The following ANKRD44 variants were observed in gnomAD, a reference collection of about 807,000 sequenced individuals.
ANKRD44 encodes the protein serine/threonine-protein phosphatase 6 regulatory ankyrin repeat subunit B.
In ANKRD44, 35 loss-of-function variants were observed where a neutral mutation model predicts 116.0. The ratio of observed to expected loss-of-function variants is 0.30; its 90% CI spans 0.23 to 0.40. The LOEUF (loss-of-function observed/expected upper bound fraction) is 0.40. Ranked by LOEUF, ANKRD44 falls within the 10% of genes least tolerant of loss-of-function variation. The pLI is 1.00. For synonymous variants in ANKRD44, 435 were observed against 461.8 expected (o/e 0.94, Z 0.74); for missense variants, 1,014 against 1,242.6 (o/e 0.82, Z 2.77).
chr2:197,216,901 CTCCAA>C (rs2081459269), intron 1 of ANKRD44, among the ~76,000 whole-genome samples: 1 of 149,384 alleles, frequency 6.7e-6, no homozygotes, highest in African/African-American at 2.5e-5. Flanking sequence ...CACACACACA[CTCCAA>C]AAACAAAAAC....
chr2:197,072,577 G>A (rs1422801657), intron 16 of ANKRD44, among the ~76,000 whole-genome samples: 6 of 152,166 alleles, frequency 3.9e-5, no homozygotes, highest in African/African-American at 1.4e-4. Flanking sequence ...TAGCATTGAT[G>A]TTTTATCACT....
intron 8 of ANKRD44, among the ~76,000 whole-genome samples, chr2:197,118,667 GAAA>G (rs1171460923): frequency 1.3e-5 from 2 of 150,928 alleles, no homozygotes; most frequent in Non-Finnish European, 3.0e-5. Flanking sequence ...AAGAAAGAAA[GAAA>G]GAAAGAAAAA....
intron 16 of ANKRD44, chr2:197,029,593 T>C (rs2076665138): frequency 4.5e-6 from 2 of 440,688 alleles, no homozygotes; most frequent in Admixed American, 5.2e-5. Context: ...TGTTCAGTTT[T>C]CTTACATTAA....
chr2:197,156,538 T>G (rs756801298), intron 2 of ANKRD44, among the ~76,000 whole-genome samples: 3 of 152,210 alleles, frequency 2.0e-5, no homozygotes, highest in Non-Finnish European at 2.9e-5. Flanking sequence ...TGAAAAACAG[T>G]TTGGCAATTT....
intron 16 of ANKRD44, among the ~76,000 whole-genome samples, chr2:197,060,712 C>T (rs973576047): frequency 1.3e-5 from 2 of 152,162 alleles, no homozygotes; most frequent in African/African-American, 4.8e-5. Flanking sequence ...CTCCTGGCAA[C>T]CCCCATTCTA....
chr2:197,016,140 T>C (rs2076388598), intron 17 of ANKRD44: 1 of 322,572 alleles, frequency 3.1e-6, no homozygotes, highest in Non-Finnish European at 6.2e-6. Context: ...GCCACAGGAA[T>C]GATCATCCAT....
At chr2:197,118,478 T>C (rs1177295007) in intron 8 of ANKRD44, among the ~76,000 whole-genome samples, 6 of 151,768 alleles carry the variant, frequency 4.0e-5, no homozygotes, top group African/African-American at 7.3e-5. Flanking sequence ...TAATCCCAGC[T>C]TCTCGGGAGG....
At chr2:197,000,647 G>C (rs2125898044) in intron 22 of ANKRD44, 145 bp from the exon 23 acceptor site, 1 of 673,198 alleles carries the variant, frequency 1.5e-6, no homozygotes, top group East Asian at 2.7e-5. Flanking sequence ...TGTTTCAATG[G>C]CATACATTTT....
intron 1 of ANKRD44, among the ~76,000 whole-genome samples, chr2:197,307,467 CTG>C (rs1419847183): frequency 6.7e-6 from 1 of 149,206 alleles, no homozygotes; most frequent in Non-Finnish European, 1.5e-5. Flanking sequence ...AGAAGGGACA[CTG>C]TTACAAAAGT....
rs1450099839 is a variant in ANKRD44, at chr2:196,975,461, G to C, written c.2369-8015C>G. Among the ~76,000 whole-genome samples the C allele has an allele frequency of 2.0e-5, 3 of 152,242 alleles. No individual in the cohort carries two copies. In the East Asian group the frequency reaches 5.8e-4, roughly 29 times the overall value. On this transcript the variant is annotated intron_variant, in intron 21 of 21. Transcript: ENST00000424317. ...TTTCTGAACTTATTCTTTGAGGCCA[G>C]CGTTACCATCACACCAAAACAAGAA...
At chr2:197,270,124 G>A (rs1274344153) in intron 1 of ANKRD44, among the ~76,000 whole-genome samples, 2 of 152,144 alleles carry the variant, frequency 1.3e-5, no homozygotes, top group Non-Finnish European at 2.9e-5. Context: ...TCAAGGATGG[G>A]GGGATGCTAT....
intron 16 of ANKRD44, among the ~76,000 whole-genome samples, chr2:197,042,931 G>A (rs191353199): frequency 3.9e-5 from 6 of 152,326 alleles, no homozygotes; most frequent in African/African-American, 7.2e-5. Flanking sequence ...AAATGCAGCC[G>A]TTTCACTCCC....
At chr2:197,080,612 C>A (rs2077771149) in intron 15 of ANKRD44, among the ~76,000 whole-genome samples, 1 of 152,176 alleles carries the variant, frequency 6.6e-6, no homozygotes, top group Non-Finnish European at 1.5e-5. Context: ...GGTATTAAAG[C>A]AAAACTCTGG....
rs375915429 is a variant in ANKRD44 at position 197,254,283 on chromosome 2, C to A, written c.27+56295G>T. Among the ~76,000 whole-genome samples, 43 of 152,158 alleles carry A rather than the reference C, an allele frequency of 2.8e-4. 1 individual carries two copies. Among genetic ancestry groups the A allele is most frequent in the African/African-American group, 9.4e-4 (39 of 41,518 alleles). On this transcript the variant is annotated intron_variant, in intron 1 of 27. Transcript: ENST00000282272. Reference sequence around the variant, plus strand: ...CGGTGGGTGCCTGTAATCCCAGCTGCTCGGGAGGCTGAGGCAGGAGAACCT... The same window carrying A: ...CGGTGGGTGCCTGTAATCCCAGCTGATCGGGAGGCTGAGGCAGGAGAACCT...
At chr2:197,132,064 T>G (rs1187114600) in intron 4 of ANKRD44, among the ~76,000 whole-genome samples, 1 of 152,184 alleles carries the variant, frequency 6.6e-6, no homozygotes, top group African/African-American at 2.4e-5. Flanking sequence ...AATATTTTAG[T>G]AAGAGCCTCT....
At chr2:197,156,968 G>T (rs962770506) in intron 2 of ANKRD44, among the ~76,000 whole-genome samples, 2 of 152,168 alleles carry the variant, frequency 1.3e-5, no homozygotes, top group South Asian at 4.1e-4. Context: ...GGGGTAGCAG[G>T]GAGGGATTTG....
intron 21 of ANKRD44, among the ~76,000 whole-genome samples, chr2:196,977,522 A>T (rs1010288498): frequency 6.6e-6 from 1 of 152,252 alleles, no homozygotes; most frequent in East Asian, 1.9e-4. Context: ...AACGTGATTT[A>T]AAAATGGGCA....
chr2:197,293,082 C>CTT (rs2083616656), intron 1 of ANKRD44, among the ~76,000 whole-genome samples: 1 of 152,094 alleles, frequency 6.6e-6, no homozygotes, highest in Admixed American at 6.6e-5. Flanking sequence ...TATCACCAAT[C>CTT]TTTTTACTAG....
chr2:197,292,748 C>A (rs957534645), intron 1 of ANKRD44, among the ~76,000 whole-genome samples: 1 of 152,150 alleles, frequency 6.6e-6, no homozygotes, highest in Non-Finnish European at 1.5e-5. Flanking sequence ...TCTCAGTCCA[C>A]CCAGGATCGG....
Sources: gnomAD v4.1 joint callset for allele counts (sites outside exome capture counted in the v4.1 genomes callset) on GRCh38, gnomAD v4.1.1 for gene constraint, MANE v1.5 for transcripts, NCBI Gene and HGNC (gene_info 2026-07-23, HGNC 2026-07-21) for gene names.